The following CNTN5 variants were observed in gnomAD, a reference collection of about 807,000 sequenced individuals.
The protein encoded by CNTN5 is contactin 5.
Under a neutral mutation model 129.1 loss-of-function variants are expected in CNTN5, and 77 were observed. That is an observed-to-expected ratio of 0.60 (90% CI 0.50 to 0.72). The LOEUF is 0.72. CNTN5 is among the 30% of genes least tolerant of loss of function. The pLI, the probability that CNTN5 is intolerant of heterozygous loss-of-function variation, is 0.00. For synonymous variants in CNTN5, 509 were observed against 465.6 expected (o/e 1.09, Z -1.20); for missense variants, 1,478 against 1,328.8 (o/e 1.11, Z -1.75).
chr11:99,663,679 A>C (rs187805415), intron 3 of CNTN5, among the ~76,000 whole-genome samples: 1 of 152,098 alleles, frequency 6.6e-6, no homozygotes, highest in Non-Finnish European at 1.5e-5. Context: ...TGATGGTTCT[A>C]TAACGAGCTC....
chr11:99,445,467 T>C (rs1260258168), intron 2 of CNTN5, among the ~76,000 whole-genome samples: 5 of 152,214 alleles, frequency 3.3e-5, no homozygotes, highest in Non-Finnish European at 7.4e-5. Flanking sequence ...CTCCAGTTTC[T>C]TGATTGTGTA....
chr11:99,346,769 T>A (rs1937909975), intron 2 of CNTN5, among the ~76,000 whole-genome samples: 1 of 152,192 alleles, frequency 6.6e-6, no homozygotes, highest in Non-Finnish European at 1.5e-5. Context: ...ATGAGATTAA[T>A]GCCCTTATGA....
At chr11:100,014,569 G>A (rs1940720872) in intron 9 of CNTN5, among the ~76,000 whole-genome samples, 1 of 151,830 alleles carries the variant, frequency 6.6e-6, no homozygotes, top group Non-Finnish European at 1.5e-5. Context: ...TAAAGAGTGA[G>A]ACTCCGTCTC....
At chr11:99,968,165 C>T (rs921514773) in intron 8 of CNTN5, among the ~76,000 whole-genome samples, 1 of 152,124 alleles carries the variant, frequency 6.6e-6, no homozygotes, top group Admixed American at 6.6e-5. Flanking sequence ...CAACATTTTC[C>T]CATCCGTCTC....
chr11:99,227,114 A>C (rs987602254), intron 1 of CNTN5, among the ~76,000 whole-genome samples: 1 of 152,112 alleles, frequency 6.6e-6, no homozygotes, highest in Non-Finnish European at 1.5e-5. Context: ...TAATCCCAGC[A>C]CTTTGGGAGG....
chr11:99,302,605 T>C (rs1270797476), intron 1 of CNTN5, among the ~76,000 whole-genome samples: 1 of 151,158 alleles, frequency 6.6e-6, no homozygotes, highest in East Asian at 2.0e-4. Context: ...GTGTAAATGG[T>C]ACATCCACCA....
intron 3 of CNTN5, among the ~76,000 whole-genome samples, chr11:99,598,282 T>TCCC (rs1950188500): frequency 2.6e-3 from 10 of 3,818 alleles, no homozygotes; most frequent in African/African-American, 4.7e-3. Flanking sequence ...TTCTTTTCTT[T>TCCC]TCTTTTCTTT....
At chr11:99,453,536 C>T (rs1038306991) in intron 2 of CNTN5, among the ~76,000 whole-genome samples, 6 of 151,992 alleles carry the variant, frequency 3.9e-5, no homozygotes, top group Non-Finnish European at 8.8e-5. Flanking sequence ...AAGATAAAAA[C>T]AAGTAATTTT....
intron 1 of CNTN5, among the ~76,000 whole-genome samples, chr11:99,205,681 C>T (rs7931594): frequency 0.19 from 29,292 of 152,052 alleles, 3,787 homozygotes; most frequent in African/African-American, 0.35. Flanking sequence ...CTCTTTCCCA[C>T]GCAAAAGGGT....
chr11:99,433,155 G>A (rs1943458168), intron 2 of CNTN5, among the ~76,000 whole-genome samples: 1 of 152,070 alleles, frequency 6.6e-6, no homozygotes, highest in African/African-American at 2.4e-5. Flanking sequence ...CCAGCCCAGT[G>A]CTCTGAATTG....
At chr11:100,087,666 C>A (rs181633944) in intron 13 of CNTN5, among the ~76,000 whole-genome samples, 37 of 152,050 alleles carry the variant, frequency 2.4e-4, no homozygotes, top group African/African-American at 8.4e-4. Context: ...AAGACTTAGC[C>A]ACACAACAGT....
intron 18 of CNTN5, among the ~76,000 whole-genome samples, chr11:100,292,061 C>T (rs1950995046): frequency 6.6e-6 from 1 of 151,882 alleles, no homozygotes; most frequent in Non-Finnish European, 1.5e-5. Context: ...AATTTAATCT[C>T]ACATCTAATT....
chr11:100,347,632 CTTG>C (rs1256342126), intron 23 of CNTN5, among the ~76,000 whole-genome samples: 3 of 152,044 alleles, frequency 2.0e-5, no homozygotes, highest in African/African-American at 7.2e-5. Flanking sequence ...AAAAAGAAAT[CTTG>C]TTGTTAAAAT....
At chr11:99,211,552 T>TA (rs1485646586) in intron 1 of CNTN5, among the ~76,000 whole-genome samples, 1 of 152,076 alleles carries the variant, frequency 6.6e-6, no homozygotes, top group African/African-American at 2.4e-5. Context: ...TCCTTTTTTT[T>TA]TCTGAAATAG....
intron 3 of CNTN5, among the ~76,000 whole-genome samples, chr11:99,633,682 G>T (rs1428725111): frequency 2.0e-5 from 3 of 152,152 alleles, no homozygotes; most frequent in Non-Finnish European, 4.4e-5. Flanking sequence ...TACCCTCGGT[G>T]CTATAAAGCC....
At chr11:99,451,345 T>C in intron 2 of CNTN5, among the ~76,000 whole-genome samples, 1 of 152,122 alleles carries the variant, frequency 6.6e-6, no homozygotes, top group East Asian at 1.9e-4. Context: ...GAAATTCACA[T>C]TAGCCGATTC....
chr11:99,360,675 G>T (rs1461802753), intron 2 of CNTN5, among the ~76,000 whole-genome samples: 1 of 152,116 alleles, frequency 6.6e-6, no homozygotes, highest in Non-Finnish European at 1.5e-5. Context: ...CAGCTCCGAT[G>T]CTCTCCAAAA....
Position 99,139,325 on chromosome 11 carries a change from G to T in CNTN5, c.-210+118055G>T, listed in dbSNP as rs113235528. ...GTAGCTTTGCTAAAGAACAGATGTG[G>T]CTTTGGCAGAGAAACTTGCAAACAC... On this transcript the variant is annotated intron_variant, in intron 1 of 24. Transcript: ENST00000524871. 8.4e-3 allele frequency among the ~76,000 whole-genome samples: 1,284 copies of T among 152,262 alleles called. 23 individuals carry two copies. The highest frequency in any genetic ancestry group is 0.029 in the African/African-American group (1,192 of 41,538).
At chr11:100,302,886 T>G (rs1018155658) in intron 20 of CNTN5, among the ~76,000 whole-genome samples, 1 of 151,626 alleles carries the variant, frequency 6.6e-6, no homozygotes, top group African/African-American at 2.4e-5. Flanking sequence ...AATTGACATG[T>G]TTTTCAAAGA....
Sources: gnomAD v4.1 joint callset for allele counts (sites outside exome capture counted in the v4.1 genomes callset) on GRCh38, gnomAD v4.1.1 for gene constraint, MANE v1.5 for transcripts, NCBI Gene and HGNC (gene_info 2026-07-23, HGNC 2026-07-21) for gene names.